KCNQ1: variants seen among roughly 807,000 people sequenced by gnomAD.
The protein encoded by KCNQ1 is potassium voltage-gated channel subfamily Q member 1.
Under a neutral mutation model 72.4 loss-of-function variants are expected in KCNQ1, and 49 were observed. The ratio of observed to expected loss-of-function variants is 0.68; its 90% CI spans 0.54 to 0.86. KCNQ1 has a LOEUF of 0.86. KCNQ1 is among the 40% of genes least tolerant of loss of function. The pLI is 0.00. For missense variants in KCNQ1, 790 were observed against 945.1 expected (o/e 0.84, Z 2.15); for synonymous variants, 450 against 412.6 (o/e 1.09, Z -1.10).
intron 10 of KCNQ1, chr11:2,656,068 GA>G (rs1849841724): frequency 2.5e-6 from 1 of 398,522 alleles, no homozygotes. Flanking sequence ...TCAGGCTTTG[GA>G]GATGGGCACT....
At chr11:2,686,009 G>A (rs1159408782) in intron 11 of KCNQ1, 1 of 398,934 alleles carries the variant, frequency 2.5e-6, no homozygotes. Flanking sequence ...AGAAGAGTCA[G>A]GGGGGCTCAC....
intron 11 of KCNQ1, among the ~76,000 whole-genome samples, chr11:2,707,589 T>C (rs1850931241): frequency 6.6e-6 from 1 of 152,186 alleles, no homozygotes; most frequent in Non-Finnish European, 1.5e-5. Context: ...GATAAATGGA[T>C]GTGCACTGGC....
At position 2,468,602 on chromosome 11, in the gene KCNQ1, C is replaced by T. The variant is rs930247908; in HGVS notation, c.386+23118C>T. 1.4e-4 allele frequency among the ~76,000 whole-genome samples: 21 copies of T among 152,358 alleles called. No individual in the cohort carries two copies. Among genetic ancestry groups the T allele is most frequent in the Admixed American group, 1.3e-3 (20 of 15,304 alleles). ...GCGTCCCCCTGTCCCCACGACCAGG[C>T]CACTGCTGCCCTACCATCAGGCACG... On this transcript the variant is annotated intron_variant, in intron 1 of 15. Coordinates refer to ENST00000155840, the MANE Select transcript of KCNQ1 (RefSeq NM_000218.3). The surrounding 1 kb of genome is among the most constrained non-coding windows in gnomAD (Gnocchi z 5.7).
In KCNQ1 at chr11:2,712,008, G is replaced by A. The variant is rs1177145620; in HGVS notation, c.1514+49927G>A. On this transcript the variant is annotated intron_variant, in intron 11 of 15. Coordinates refer to ENST00000155840, the MANE Select transcript of KCNQ1 (RefSeq NM_000218.3). The surrounding 1 kb of genome is among the most constrained non-coding windows in gnomAD (Gnocchi z 6.4). ...GACCAAATTGGATCACTGCCAAATG[G>A]TATGCCCAGCCTTGCTGAATCTCTA... 1.3e-5 allele frequency among the ~76,000 whole-genome samples: 2 copies of A among 152,170 alleles called. No homozygotes were observed. The highest frequency in any genetic ancestry group is 6.5e-5 in the Admixed American group (1 of 15,284).
intron 1 of KCNQ1, among the ~76,000 whole-genome samples, chr11:2,490,881 G>T (rs11023040): frequency 0.53 from 79,932 of 151,746 alleles, 22,394 homozygotes; most frequent in Non-Finnish European, 0.63. Context: ...TTGTTTGTTT[G>T]TTTTAGTAGA....
chr11:2,672,546 T>C (rs544577726), intron 11 of KCNQ1: 5 of 398,644 alleles, frequency 1.3e-5, no homozygotes, highest in South Asian at 1.3e-4. Flanking sequence ...GTCTTCCACA[T>C]TGGAAGGTGG....
intron 8 of KCNQ1, among the ~76,000 whole-genome samples, chr11:2,585,526 A>G (rs1395806722): frequency 6.6e-6 from 1 of 152,252 alleles, no homozygotes; most frequent in Non-Finnish European, 1.5e-5. Flanking sequence ...ATCAAGGGCC[A>G]TGCCCTGTGG....
At chr11:2,702,271 T>C (rs1850828298) in intron 11 of KCNQ1, among the ~76,000 whole-genome samples, 1 of 152,210 alleles carries the variant, frequency 6.6e-6, no homozygotes, top group Non-Finnish European at 1.5e-5. Flanking sequence ...TGGCCATTTT[T>C]CTTTGGGCCT....
chr11:2,837,231 CAG>C (rs1331685090), intron 15 of KCNQ1, among the ~76,000 whole-genome samples: 2 of 152,134 alleles, frequency 1.3e-5, no homozygotes, highest in African/African-American at 4.8e-5. Context: ...TGGGTGGAGA[CAG>C]AACACAGCAG....
At chr11:2,637,260 T>C (rs1849486805) in intron 10 of KCNQ1, 1 of 152,230 alleles carries the variant, frequency 6.6e-6, no homozygotes, top group Non-Finnish European at 1.5e-5. Flanking sequence ...TCTAGTTCTT[T>C]TAATTGTGAT....
chr11:2,621,048 G>A lies in KCNQ1; in HGVS notation c.1393+32194G>A. ...GCTGGAGTGCAGTGGCGCAATCTCG[G>A]CTCACTGCAACCTCCACCTCCTGGG... On this transcript the variant is annotated intron_variant, in intron 10 of 15. Coordinates refer to ENST00000155840, the MANE Select transcript of KCNQ1 (RefSeq NM_000218.3). This position sits in a 1 kb window ranked among gnomAD's most constrained non-coding sequence, Gnocchi z 5.7. The A allele has an allele frequency of 2.5e-6, 1 of 397,004 alleles. No individual in the cohort carries two copies. The allele number at this position is 397,004 out of a possible 1,614,324, so 24.6% of individuals were successfully genotyped here.
intron 2 of KCNQ1, among the ~76,000 whole-genome samples, chr11:2,535,047 C>T (rs1017222545): frequency 3.9e-5 from 6 of 152,324 alleles, no homozygotes; most frequent in African/African-American, 1.2e-4. Context: ...CCCCAGGGCA[C>T]GGGGTGGCCT....
intron 11 of KCNQ1, among the ~76,000 whole-genome samples, chr11:2,701,665 CT>C (rs1455100381): frequency 6.6e-6 from 1 of 152,230 alleles, no homozygotes; most frequent in Non-Finnish European, 1.5e-5. Context: ...TCCCAAGTGG[CT>C]TTCCCACCTT....
intron 1 of KCNQ1, among the ~76,000 whole-genome samples, chr11:2,452,582 T>G (rs986886775): frequency 2.0e-5 from 3 of 152,172 alleles, no homozygotes; most frequent in South Asian, 4.1e-4. Context: ...CCGGGAACCA[T>G]GCGCTTCAAG....
At chr11:2,590,311 CTG>C (rs1848654134) in intron 10 of KCNQ1, among the ~76,000 whole-genome samples, 1 of 152,250 alleles carries the variant, frequency 6.6e-6, no homozygotes, top group South Asian at 2.1e-4. Flanking sequence ...ATAGTAGTGA[CTG>C]TGTTCTGATA....
At chr11:2,665,161 A>G (rs1850042737) in intron 11 of KCNQ1, 4 of 398,540 alleles carry the variant, frequency 1.0e-5, no homozygotes, top group Non-Finnish European at 1.8e-5. Flanking sequence ...ACCCTCAACC[A>G]GCTCTGGGCG....
chr11:2,822,064 G>A (rs888120204), intron 15 of KCNQ1, among the ~76,000 whole-genome samples: 2 of 152,224 alleles, frequency 1.3e-5, no homozygotes, highest in African/African-American at 4.8e-5. Context: ...ACAGGGGGAT[G>A]GAAGCAGAGC....
intron 10 of KCNQ1, chr11:2,630,574 TTA>T (rs1215102046): frequency 2.5e-6 from 1 of 398,252 alleles, no homozygotes; most frequent in African/African-American, 2.1e-5. Flanking sequence ...TAATTTTTAA[TTA>T]TTTTTCTTTT....
At chr11:2,640,704 C>CT in intron 10 of KCNQ1, 1 of 398,380 alleles carries the variant, frequency 2.5e-6, no homozygotes. Flanking sequence ...TTCAAGTCCT[C>CT]TTTTTTATTT....
Sources: allele counts gnomAD v4.1 joint callset (sites outside exome capture counted in the v4.1 genomes callset), GRCh38; gene constraint gnomAD v4.1.1; non-coding constraint Gnocchi (gnomAD v3.1); transcripts MANE v1.5; gene names NCBI Gene and HGNC (gene_info 2026-07-23, HGNC 2026-07-21).